The following KCNK9 variants were observed in gnomAD, a reference collection of about 807,000 sequenced individuals.
KCNK9 encodes potassium channel subfamily K member 9.
Under a neutral mutation model 10.8 loss-of-function variants are expected in KCNK9, and 1 was observed. That is an observed-to-expected ratio of 0.09 (90% CI 0.03 to 0.44). The LOEUF is 0.44. Ranked by LOEUF, KCNK9 falls within the 20% of genes least tolerant of loss-of-function variation. KCNK9 has a pLI of 0.97. For synonymous variants in KCNK9, 231 were observed against 222.7 expected, an observed-to-expected ratio of 1.04 and a Z score of -0.33; for missense variants, 303 against 515.0, an observed-to-expected ratio of 0.59 and a Z score of 3.98.
chr8:139,612,195 T>TAGG (rs1814447812), downstream of KCNK9: 1 of 152,012 alleles, frequency 6.6e-6, no homozygotes, highest in African/African-American at 2.4e-5. Flanking sequence ...GGCGCAGAGG[T>TAGG]AGGAGTCTGC....
chr8:139,608,105 C>T (rs935425534), downstream of KCNK9, among the ~76,000 whole-genome samples: 1 of 152,214 alleles, frequency 6.6e-6, no homozygotes, highest in Non-Finnish European at 1.5e-5. Context: ...TCAAGCACTG[C>T]TCTCTGGATG....
chr8:139,698,993 C>G (rs1454813452), intron 1 of KCNK9, among the ~76,000 whole-genome samples: 1 of 152,144 alleles, frequency 6.6e-6, no homozygotes, highest in African/African-American at 2.4e-5. Flanking sequence ...TCAGCTGGGC[C>G]CCGAGGTTCT....
chr8:139,682,837 A>G (rs983222020), intron 1 of KCNK9, among the ~76,000 whole-genome samples: 1 of 148,428 alleles, frequency 6.7e-6, no homozygotes, highest in Non-Finnish European at 1.5e-5. Flanking sequence ...ACCCCCCCAC[A>G]CCCGCCCTTT....
At chr8:139,671,621 G>A (rs550654325) in intron 1 of KCNK9, among the ~76,000 whole-genome samples, 12 of 151,508 alleles carry the variant, frequency 7.9e-5, no homozygotes, top group South Asian at 4.2e-4. Context: ...AGCGATAAGC[G>A]ATTATCCTGC....
rs890647587 is a variant in KCNK9 at position 139,617,289 on chromosome 8, G to T, written c.*969C>A. On this transcript the variant is annotated 3_prime_UTR_variant, in exon 2 of 2. Coordinates refer to ENST00000520439, the MANE Select transcript of KCNK9 (RefSeq NM_001282534.2). ...CAAAATCATCAATAAGAGGGAAATA[G>T]ATACTCTGGGGTTCCAACAATTTTC... 2.0e-5 allele frequency among the ~76,000 whole-genome samples: 3 copies of T among 152,172 alleles called. No individual in the cohort carries two copies. The highest frequency in any genetic ancestry group is 7.2e-5 in the African/African-American group (3 of 41,436).
downstream of KCNK9, among the ~76,000 whole-genome samples, chr8:139,609,313 G>A (rs1336692201): frequency 3.0e-5 from 4 of 131,870 alleles, no homozygotes; most frequent in Non-Finnish European, 4.6e-5. Flanking sequence ...TCACTTGCAC[G>A]GTGCTACACT....
chr8:139,680,874 C>T (rs1816673561), intron 1 of KCNK9, among the ~76,000 whole-genome samples: 1 of 152,180 alleles, frequency 6.6e-6, no homozygotes, highest in South Asian at 2.1e-4. Context: ...TAAACTCCTC[C>T]TCACAATCTC....
intron 1 of KCNK9, among the ~76,000 whole-genome samples, chr8:139,697,752 C>T (rs531560827): frequency 1.8e-4 from 28 of 152,214 alleles, no homozygotes; most frequent in East Asian, 3.9e-4. Context: ...CTCCGCATTC[C>T]GAGGTGTCTC....
At position 139,653,212 on chromosome 8, in the gene KCNK9, G is replaced by A. The variant is rs115256684; in HGVS notation, c.284-34113C>T. 6.6e-3 allele frequency among the ~76,000 whole-genome samples: 998 copies of A among 152,270 alleles called. 11 individuals are homozygous for A. Among genetic ancestry groups the A allele is most frequent in the African/African-American group, 0.022 (904 of 41,550 alleles). On this transcript the variant is annotated intron_variant, in intron 1 of 1. Transcript: ENST00000520439. ...TTCCAGACTGAAATTCCAAATGGCC[G>A]AGAGCCCTCTTTTTAAATGAATTTT... is the stretch of plus-strand genomic sequence containing the variant.
intron 1 of KCNK9, among the ~76,000 whole-genome samples, chr8:139,651,817 CTGTA>C (rs1815874493): frequency 1.3e-5 from 2 of 152,170 alleles, no homozygotes; most frequent in Non-Finnish European, 2.9e-5. Context: ...CACAGGATTG[CTGTA>C]TTGCCCCTTG....
intron 1 of KCNK9, among the ~76,000 whole-genome samples, chr8:139,648,201 A>G (rs1815749318): frequency 1.3e-5 from 2 of 152,308 alleles, no homozygotes; most frequent in East Asian, 3.9e-4. Flanking sequence ...TTGATAGGAA[A>G]TGTCCACCCT....
intron 2 of KCNK9, among the ~76,000 whole-genome samples, chr8:139,603,742 A>G (rs1383364663): frequency 6.6e-6 from 1 of 152,210 alleles, no homozygotes; most frequent in Non-Finnish European, 1.5e-5. Flanking sequence ...AAATAATAGA[A>G]AAGCCAGGAA....
intron 1 of KCNK9, among the ~76,000 whole-genome samples, chr8:139,672,679 G>T (rs887225210): frequency 2.0e-5 from 3 of 152,242 alleles, no homozygotes; most frequent in African/African-American, 7.2e-5. Flanking sequence ...GCCCCCGTGG[G>T]GGAGCCTCTC....
intron 1 of KCNK9, among the ~76,000 whole-genome samples, chr8:139,635,144 A>G (rs76285496): frequency 0.026 from 3,974 of 152,348 alleles, 167 homozygotes; most frequent in African/African-American, 0.089. Context: ...TGCCTGGTAC[A>G]TAGTAGCTCC....
rs541442314 is a variant in KCNK9, at chr8:139,673,959, C to T, written c.283+28751G>A. ...CACGGCAGCCCCGCCCCTGCCCCAC[C>T]GCCCTGGCCTTGTGCTATTCCCCTC... On this transcript the variant is annotated intron_variant, in intron 1 of 1. Coordinates refer to ENST00000520439, the MANE Select transcript of KCNK9 (RefSeq NM_001282534.2). Among the ~76,000 whole-genome samples the T allele has an allele frequency of 1.8e-3, 269 of 152,294 alleles. 1 individual carries two copies. The highest frequency in any genetic ancestry group is 6.1e-3 in the African/African-American group (254 of 41,572).
At chr8:139,608,132 G>GA (rs1814290148), downstream of KCNK9, among the ~76,000 whole-genome samples, 1 of 152,128 alleles carries the variant, frequency 6.6e-6, no homozygotes, top group African/African-American at 2.4e-5. Context: ...GGTCTCCAAG[G>GA]AACTGACTCA....
intron 1 of KCNK9, among the ~76,000 whole-genome samples, chr8:139,636,334 A>T (rs568947608): frequency 2.0e-5 from 3 of 152,366 alleles, no homozygotes; most frequent in South Asian, 2.1e-4. Flanking sequence ...CCAGCACCTC[A>T]GCTGTTCTCA....
intron 1 of KCNK9, among the ~76,000 whole-genome samples, chr8:139,691,586 C>A (rs1816934311): frequency 1.3e-5 from 2 of 152,196 alleles, no homozygotes; most frequent in African/African-American, 4.8e-5. Context: ...GTCCAACAAA[C>A]CATTATCTAT....
chr8:139,659,187 C>T (rs1329480871), intron 1 of KCNK9, among the ~76,000 whole-genome samples: 6 of 152,240 alleles, frequency 3.9e-5, no homozygotes, highest in African/African-American at 1.4e-4. Flanking sequence ...GACCCTGACT[C>T]TTGGCCGCTG....
Sources: allele counts gnomAD v4.1 joint callset (sites outside exome capture counted in the v4.1 genomes callset), GRCh38; gene constraint gnomAD v4.1.1; transcripts MANE v1.5; gene names NCBI Gene and HGNC (gene_info 2026-07-23, HGNC 2026-07-21).